The following DLG2 variants were observed in gnomAD, a reference collection of about 807,000 sequenced individuals.
DLG2 encodes the protein disks large homolog 2.
A neutral mutation model predicts 132.5 loss-of-function variants in DLG2; 45 were observed. The observed-to-expected ratio is 0.34, with a 90% CI of 0.27 to 0.44. The LOEUF (loss-of-function observed/expected upper bound fraction) is 0.44. DLG2 is among the 20% of genes least tolerant of loss of function. The probability of loss-of-function intolerance (pLI) is 1.00; values close to 1 mark genes in which losing one functional copy is unlikely to be tolerated. For synonymous variants in DLG2, 424 were observed against 419.6 expected (o/e 1.01, Z -0.13); for missense variants, 1,045 against 1,196.9 (o/e 0.87, Z 1.87).
intron 22 of DLG2, among the ~76,000 whole-genome samples, chr11:83,477,382 G>A (rs1007979384): frequency 1.3e-4 from 20 of 152,110 alleles, no homozygotes; most frequent in Admixed American, 3.3e-4. Flanking sequence ...TTTATCAGCT[G>A]CAATTTTAGC....
intron 18 of DLG2, among the ~76,000 whole-genome samples, chr11:83,698,392 G>A (rs917268735): frequency 6.6e-5 from 10 of 152,126 alleles, no homozygotes; most frequent in Admixed American, 2.0e-4. Flanking sequence ...TGCCAATCAT[G>A]AATCTTTTCT....
intron 18 of DLG2, among the ~76,000 whole-genome samples, chr11:83,679,097 G>A: frequency 6.6e-6 from 1 of 152,034 alleles, no homozygotes; most frequent in Admixed American, 6.6e-5. Flanking sequence ...GTCATCGTGT[G>A]GATCCTGAAA....
chr11:84,017,803 A>T (rs535435073), intron 11 of DLG2, among the ~76,000 whole-genome samples: 1 of 152,158 alleles, frequency 6.6e-6, no homozygotes, highest in Admixed American at 6.6e-5. Context: ...AGTATTTAGT[A>T]CCTACTATGT....
intron 18 of DLG2, among the ~76,000 whole-genome samples, chr11:83,670,911 T>C (rs914741278): frequency 3.9e-5 from 6 of 152,208 alleles, no homozygotes; most frequent in Non-Finnish European, 5.9e-5. Flanking sequence ...AACTTTTGTT[T>C]CTATAAAGAA....
At chr11:84,696,763 A>G (rs1253409115) in intron 6 of DLG2, among the ~76,000 whole-genome samples, 1 of 151,536 alleles carries the variant, frequency 6.6e-6, no homozygotes, top group Non-Finnish European at 1.5e-5. Context: ...AAGGATACAT[A>G]TGGAGGAAGA....
In DLG2 at chr11:84,340,234, C is replaced by A. The variant is rs578227632; in HGVS notation, c.520-88943G>T. On this transcript the variant is annotated intron_variant, in intron 7 of 27. Transcript: ENST00000376104. ...AATTGCTTTTAACACAAAACCCCAC[C>A]AGTTGCCTTAATCTCTGAGTTCTAC... Among the ~76,000 whole-genome samples the A allele has an allele frequency of 3.3e-5, 5 of 152,296 alleles. No homozygotes were observed. In the East Asian group the frequency reaches 9.6e-4, roughly 29 times the overall value.
chr11:84,344,257 C>G (rs1263868349), intron 7 of DLG2, among the ~76,000 whole-genome samples: 1 of 152,090 alleles, frequency 6.6e-6, no homozygotes, highest in Non-Finnish European at 1.5e-5. Flanking sequence ...TGTTTACTAA[C>G]TATATGACCT....
intron 11 of DLG2, among the ~76,000 whole-genome samples, chr11:84,045,902 C>G (rs2096232297): frequency 6.6e-6 from 1 of 151,500 alleles, no homozygotes; most frequent in South Asian, 2.1e-4. Flanking sequence ...GAAGAGTTGT[C>G]CGCTGTAGCC....
rs558416110 is a variant in DLG2 at position 83,698,592 on chromosome 11, GCAAAACAAAAA to G, written c.1826-65278_1826-65268del. On this transcript the variant is annotated intron_variant, in intron 18 of 27. Coordinates refer to ENST00000376104, the MANE Select transcript of DLG2 (RefSeq NM_001142699.3). ...TGTCACTTAAGGACTGTAAGCTCTG[GCAAAACAAAAA>G]CTTTCTGATCCTCAGTATACACATC... Among the ~76,000 whole-genome samples, 138 of 152,190 alleles carry G rather than the reference GCAAAACAAAAA, an allele frequency of 9.1e-4. 1 individual carries two copies. Among genetic ancestry groups the G allele is most frequent in the South Asian group, 8.9e-3 (43 of 4,812 alleles).
intron 6 of DLG2, among the ~76,000 whole-genome samples, chr11:85,102,861 G>A (rs569907600): frequency 5.5e-4 from 83 of 151,982 alleles, no homozygotes; most frequent in African/African-American, 1.8e-3. Context: ...ACATAGTCTC[G>A]TACAGTATCT....
chr11:84,550,018 A>G (rs548335785), intron 6 of DLG2, among the ~76,000 whole-genome samples: 1 of 152,178 alleles, frequency 6.6e-6, no homozygotes, highest in Non-Finnish European at 1.5e-5. Context: ...AAATTCCCAA[A>G]GTGCTGGGAT....
At chr11:85,503,542 G>A (rs1473106221) in intron 3 of DLG2, among the ~76,000 whole-genome samples, 1 of 152,004 alleles carries the variant, frequency 6.6e-6, no homozygotes, top group Non-Finnish European at 1.5e-5. Context: ...GTTTTTAAAA[G>A]GTGATTGGAT....
chr11:83,553,483 C>CGTGTGTGTGTGTGTGTGTGTGT (rs71959561), intron 19 of DLG2, among the ~76,000 whole-genome samples: 16 of 143,870 alleles, frequency 1.1e-4, no homozygotes, highest in African/African-American at 2.4e-4. Flanking sequence ...AAGTAAGCAC[C>CGTGTGTGTGTGTGTGTGTGTGT]GTGTGTGTGT....
At chr11:84,765,846 C>T (rs1370680989) in intron 6 of DLG2, among the ~76,000 whole-genome samples, 1 of 151,748 alleles carries the variant, frequency 6.6e-6, no homozygotes, top group East Asian at 1.9e-4. Flanking sequence ...CTACCTTTTC[C>T]TGCTTGCCCT....
chr11:84,726,084 C>T (rs2062415383), intron 6 of DLG2, among the ~76,000 whole-genome samples: 1 of 151,948 alleles, frequency 6.6e-6, no homozygotes. Flanking sequence ...TCATGTTCCC[C>T]CATAATTGTC....
chr11:84,203,953 ATATTTTT>A (rs1318024564), intron 8 of DLG2, among the ~76,000 whole-genome samples: 1 of 151,984 alleles, frequency 6.6e-6, no homozygotes, highest in African/African-American at 2.4e-5. Flanking sequence ...TCGGGGAAAA[ATATTTTT>A]TATTTTTTAT....
chr11:84,164,213 C>G (rs574439155), intron 8 of DLG2, among the ~76,000 whole-genome samples: 1 of 152,206 alleles, frequency 6.6e-6, no homozygotes, highest in Non-Finnish European at 1.5e-5. Flanking sequence ...TACAGCCAGG[C>G]ACCTTAGATT....
chr11:83,861,818 C>A (rs2061505133), intron 16 of DLG2, among the ~76,000 whole-genome samples: 1 of 152,022 alleles, frequency 6.6e-6, no homozygotes. Context: ...TTTCATAGCA[C>A]AACAGGGTGA....
intron 22 of DLG2, chr11:83,483,186 C>A (rs988728217): frequency 7.7e-6 from 11 of 1,431,684 alleles, no homozygotes; most frequent in Non-Finnish European, 1.1e-5. Flanking sequence ...GGAAAAGGAA[C>A]AAAAGCCAAA....
Sources: gnomAD v4.1 joint callset for allele counts (sites outside exome capture counted in the v4.1 genomes callset) on GRCh38, gnomAD v4.1.1 for gene constraint, MANE v1.5 for transcripts, NCBI Gene and HGNC (gene_info 2026-07-23, HGNC 2026-07-21) for gene names.